The following RCAN2 variants were observed in gnomAD, a reference collection of about 807,000 sequenced individuals.
RCAN2 encodes the protein calcipressin-2.
A neutral mutation model predicts 23.6 loss-of-function variants in RCAN2; 9 were observed. The observed-to-expected ratio is 0.38, with a 90% CI of 0.23 to 0.67. The LOEUF (loss-of-function observed/expected upper bound fraction) is 0.67, where lower values mean the gene tolerates loss of function less well. Ranked by LOEUF, RCAN2 falls within the 30% of genes least tolerant of loss-of-function variation. RCAN2 has a pLI of 0.51. For synonymous variants in RCAN2, 109 were observed against 115.7 expected, an observed-to-expected ratio of 0.94 and a Z score of 0.37; for missense variants, 273 against 302.3, an observed-to-expected ratio of 0.90 and a Z score of 0.72.
intron 2 of RCAN2, among the ~76,000 whole-genome samples, chr6:46,450,417 A>G (rs1045610196): frequency 6.6e-6 from 1 of 152,098 alleles, no homozygotes; most frequent in Non-Finnish European, 1.5e-5. Context: ...TAGAACCACC[A>G]TTTAATCCAA....
At chr6:46,354,642 T>G (rs1258224082) in intron 2 of RCAN2, among the ~76,000 whole-genome samples, 1 of 152,240 alleles carries the variant, frequency 6.6e-6, no homozygotes, top group Non-Finnish European at 1.5e-5. Flanking sequence ...AGAATCAGTC[T>G]CTTTTAAAGC....
intron 4 of RCAN2, among the ~76,000 whole-genome samples, chr6:46,233,404 G>A (rs957762815): frequency 2.6e-5 from 4 of 152,170 alleles, no homozygotes; most frequent in Non-Finnish European, 4.4e-5. Flanking sequence ...TGCAGGGGAA[G>A]CCCCTTTTGA....
At chr6:46,465,664 T>C (rs1181480276) in intron 1 of RCAN2, among the ~76,000 whole-genome samples, 2 of 152,206 alleles carry the variant, frequency 1.3e-5, no homozygotes, top group African/African-American at 2.4e-5. Flanking sequence ...ACTTGTTATC[T>C]TTCTCTGATC....
intron 2 of RCAN2, among the ~76,000 whole-genome samples, chr6:46,279,250 T>C (rs1303025423): frequency 1.3e-5 from 2 of 152,200 alleles, no homozygotes; most frequent in African/African-American, 4.8e-5. Context: ...CCTGACAGTT[T>C]CAATTCCTCA....
intron 2 of RCAN2, among the ~76,000 whole-genome samples, chr6:46,394,733 A>G (rs928870002): frequency 6.6e-6 from 1 of 152,218 alleles, no homozygotes; most frequent in African/African-American, 2.4e-5. Flanking sequence ...ACCTTTTAAC[A>G]GGATTCCTCT....
intron 2 of RCAN2, among the ~76,000 whole-genome samples, chr6:46,396,442 G>A (rs1288602736): frequency 6.6e-6 from 1 of 152,160 alleles, no homozygotes; most frequent in Non-Finnish European, 1.5e-5. Context: ...GGGCTGATAT[G>A]TCTCATTTAT....
intron 2 of RCAN2, among the ~76,000 whole-genome samples, chr6:46,308,594 G>A (rs557903925): frequency 4.6e-5 from 7 of 152,222 alleles, no homozygotes; most frequent in Non-Finnish European, 7.4e-5. Flanking sequence ...TATAGTGTAC[G>A]TTGGGGAGAC....
intron 2 of RCAN2, among the ~76,000 whole-genome samples, chr6:46,303,800 G>C (rs1390753964): frequency 6.6e-6 from 1 of 152,040 alleles, no homozygotes; most frequent in Non-Finnish European, 1.5e-5. Context: ...GAGTGAAATT[G>C]TGAGAGTCAT....
At chr6:46,446,316 T>TG (rs918982899) in intron 2 of RCAN2, among the ~76,000 whole-genome samples, 4 of 89,206 alleles carry the variant, frequency 4.5e-5, no homozygotes, top group African/African-American at 7.5e-5. Flanking sequence ...GTGGGGGTGC[T>TG]GGGGGGAAAC....
chr6:46,481,986 A>G (rs1321659883), intron 1 of RCAN2, among the ~76,000 whole-genome samples: 3 of 128,868 alleles, frequency 2.3e-5, no homozygotes, highest in African/African-American at 7.4e-5. Flanking sequence ...AAAAATCTAA[A>G]AGCAAGAAGA....
At chr6:46,325,299 C>G (rs534154061) in intron 2 of RCAN2, 2 of 1,406,898 alleles carry the variant, frequency 1.4e-6, no homozygotes, top group Non-Finnish European at 2.0e-6. Context: ...GAGCTGAAAA[C>G]TATTAACCAA....
At chr6:46,300,346 G>A (rs961947705) in intron 2 of RCAN2, among the ~76,000 whole-genome samples, 1 of 151,822 alleles carries the variant, frequency 6.6e-6, no homozygotes, top group Non-Finnish European at 1.5e-5. Flanking sequence ...CCATATATAG[G>A]TTTAAAGTCA....
In RCAN2 at chr6:46,456,817, C is replaced by T. The variant is rs906829042; in HGVS notation, c.160G>A (p.Asp54Asn). Residue 54 changes from aspartate to asparagine, a missense_variant, in exon 2 of 5, where the codon GAC (aspartate) becomes AAC (asparagine). Coordinates refer to ENST00000371374, the MANE Select transcript of RCAN2 (RefSeq NM_001251974.2). ...CACGCAAACAACGAGTTGGGGAGGT[C>T]ATTGAAGTCAGTGATTGCTTGAAAG... ...EAFQAITDFN[D>N]LPNSLFACNV... 6.4e-7 allele frequency: 1 copy of T among 1,550,676 alleles called. No homozygotes were observed. The highest frequency in any genetic ancestry group is 8.7e-7 in the Non-Finnish European group (1 of 1,147,040).
intron 2 of RCAN2, among the ~76,000 whole-genome samples, chr6:46,433,517 C>T (rs1356353801): frequency 6.6e-6 from 1 of 152,112 alleles, no homozygotes; most frequent in Non-Finnish European, 1.5e-5. Context: ...GGATCAGACT[C>T]AGAGAAGGAG....
At chr6:46,291,495 G>A (rs1311139349) in intron 2 of RCAN2, among the ~76,000 whole-genome samples, 1 of 151,868 alleles carries the variant, frequency 6.6e-6, no homozygotes, top group Non-Finnish European at 1.5e-5. Context: ...TCACCCTCAG[G>A]GATTTCCCCC....
intron 2 of RCAN2, among the ~76,000 whole-genome samples, chr6:46,406,899 A>G (rs557195301): frequency 1.3e-5 from 2 of 152,372 alleles, no homozygotes; most frequent in African/African-American, 4.8e-5. Context: ...ATATTTCAGT[A>G]GAAGACTGGG....
intron 4 of RCAN2, among the ~76,000 whole-genome samples, chr6:46,231,656 C>T (rs772225047): frequency 5.3e-5 from 8 of 152,090 alleles, no homozygotes; most frequent in East Asian, 3.9e-4. Flanking sequence ...GTGATCCACC[C>T]GCCTTGGCCT....
At chr6:46,457,955 T>C (rs1768091247) in intron 1 of RCAN2, among the ~76,000 whole-genome samples, 1 of 152,232 alleles carries the variant, frequency 6.6e-6, no homozygotes, top group South Asian at 2.1e-4. Flanking sequence ...TATCCCCATA[T>C]AGTCCAAGGC....
chr6:46,418,317 AT>A (rs1766768915), intron 2 of RCAN2, among the ~76,000 whole-genome samples: 2 of 152,202 alleles, frequency 1.3e-5, no homozygotes, highest in Non-Finnish European at 2.9e-5. Flanking sequence ...CACTTCAAAT[AT>A]TCCTCTCTGA....
Sources: gnomAD v4.1 joint callset for allele counts (sites outside exome capture counted in the v4.1 genomes callset) on GRCh38, gnomAD v4.1.1 for gene constraint, MANE v1.5 for transcripts, NCBI Gene and HGNC (gene_info 2026-07-23, HGNC 2026-07-21) for gene names.